Variants in ABR observed in about 807,000 individuals in gnomAD.
The protein encoded by ABR is ABR activator of RhoGEF and GTPase.
ABR carries 35 observed loss-of-function variants against 107.2 expected under a neutral mutation model. That is an observed-to-expected ratio of 0.33 (90% CI 0.25 to 0.43). ABR has a LOEUF of 0.43. Ranked by LOEUF, ABR falls within the 20% of genes least tolerant of loss-of-function variation. The pLI is 1.00. For missense variants in ABR, 815 were observed against 1,115.2 expected (o/e 0.73, Z 3.83); for synonymous variants, 498 against 462.0 (o/e 1.08, Z -1.00).
At position 1,154,468 on chromosome 17, in the gene ABR, A is replaced by C. The variant is rs1345464595; in HGVS notation, c.61+25199T>G. On this transcript the variant is annotated intron_variant, in intron 1 of 22. Transcript: ENST00000302538. The surrounding 1 kb of genome is among the most constrained non-coding windows in gnomAD (Gnocchi z 4.0). ...TCCTCCTGCAAACCAAAATATCTCCATGGTGCCGGCCAGCCCCTTCCTCCC... is the reference window on the plus strand; with the variant it reads ...TCCTCCTGCAAACCAAAATATCTCCCTGGTGCCGGCCAGCCCCTTCCTCCC... 6.6e-6 allele frequency: 1 copy of C among 152,404 alleles called. No homozygotes were observed. Among genetic ancestry groups the C allele is most frequent in the Non-Finnish European group, 1.5e-5 (1 of 68,366 alleles). The allele number at this position is 152,404 out of a possible 1,614,324, so 9.4% of individuals were successfully genotyped here.
chr17:1,134,131 T>TTAGCC (rs1170409543), intron 1 of ABR, among the ~76,000 whole-genome samples: 16 of 151,946 alleles, frequency 1.1e-4, no homozygotes, highest in Admixed American at 1.1e-3. Context: ...ACTACAAAAA[T>TTAGCC]TAGCCGGGTG....
intron 2 of ABR, among the ~76,000 whole-genome samples, chr17:1,124,731 C>A (rs887325691): frequency 9.9e-5 from 15 of 152,236 alleles, no homozygotes; most frequent in African/African-American, 3.6e-4. Context: ...CTGGAGCGGG[C>A]AGCTCATTGC....
At chr17:1,190,053 G>T (rs534425466), upstream of ABR, among the ~76,000 whole-genome samples, 6 of 152,296 alleles carry the variant, frequency 3.9e-5, no homozygotes, top group South Asian at 6.2e-4. Context: ...CACCCTCTCT[G>T]GAAAGATGCA....
At chr17:1,226,804 GGTGT>G (rs1226258148) in intron 1 of ABR, among the ~76,000 whole-genome samples, 1 of 150,124 alleles carries the variant, frequency 6.7e-6, no homozygotes, top group Non-Finnish European at 1.5e-5. Context: ...TACGTGTGCA[GGTGT>G]GTGTGTATAT....
At chr17:1,049,698 C>T (rs953778180) in intron 16 of ABR, among the ~76,000 whole-genome samples, 1 of 152,234 alleles carries the variant, frequency 6.6e-6, no homozygotes, top group African/African-American at 2.4e-5. Context: ...GCTCCTCACA[C>T]ACAGCATTCC....
intron 1 of ABR, among the ~76,000 whole-genome samples, chr17:1,140,365 G>A (rs2040240646): frequency 6.6e-6 from 1 of 152,168 alleles, no homozygotes; most frequent in African/African-American, 2.4e-5. Flanking sequence ...CCAACGGGCA[G>A]CCAGACAGCA....
chr17:1,044,038 C>T (rs2031133297), intron 16 of ABR, among the ~76,000 whole-genome samples: 1 of 152,240 alleles, frequency 6.6e-6, no homozygotes, highest in African/African-American at 2.4e-5. Flanking sequence ...TCAGGCCCAG[C>T]CCGCCAAGAA....
intron 21 of ABR, 111 bp downstream of exon 21, chr17:1,009,568 C>T: frequency 1.1e-6 from 1 of 887,508 alleles, no homozygotes; most frequent in East Asian, 2.6e-5. Flanking sequence ...TGGGGCCACT[C>T]CCCGTTACCT....
At chr17:1,111,026 G>C (rs985433339) in intron 2 of ABR, among the ~76,000 whole-genome samples, 16 of 152,192 alleles carry the variant, frequency 1.1e-4, no homozygotes, top group Admixed American at 6.5e-5. Flanking sequence ...CTCAGGGCCT[G>C]GTACCACGGG....
At position 1,014,285 on chromosome 17, in the gene ABR, C is replaced by CAAAAA. The variant is rs1363244148; in HGVS notation, c.1792-1126_1792-1122dup. On this transcript the variant is annotated intron_variant, in intron 16 of 22. Transcript: ENST00000302538. ...TGAAACCCCGTCTCTACTAAAAATACAAAAAATTAGCCGGGCGTGGTGGCG... is the reference window on the plus strand; with the variant it reads ...TGAAACCCCGTCTCTACTAAAAATACAAAAAAAAAAATTAGCCGGGCGTGGTGGCG... Among the ~76,000 whole-genome samples the CAAAAA allele has an allele frequency of 2.2e-5, 3 of 135,540 alleles. No homozygotes were observed. In the Admixed American group the frequency reaches 2.3e-4, roughly 10 times the overall value. 88.9% of individuals were successfully genotyped at this position (135,540 alleles called of 152,430 possible). A position where few individuals can be genotyped will look rare whatever the true frequency, so the allele number is the denominator to read the frequency against.
In ABR at chr17:1,037,038, CCCAT is replaced by C. The variant is rs1240415776; in HGVS notation, c.1791+13008_1791+13011del. Among the ~76,000 whole-genome samples the C allele has an allele frequency of 7.5e-6, 1 of 134,190 alleles. No individual in the cohort carries two copies. The highest frequency in any genetic ancestry group is 2.9e-5 in the African/African-American group (1 of 34,900). The allele number at this position is 134,190 out of a possible 152,430, so 88.0% of individuals were successfully genotyped here. On this transcript the variant is annotated intron_variant, in intron 16 of 22. Coordinates refer to ENST00000302538, the MANE Select transcript of ABR (RefSeq NM_021962.5). The surrounding 1 kb of genome is among the most constrained non-coding windows in gnomAD (Gnocchi z 4.6). ...ATCCTTCCTTCCTTCCATCCATCCA[CCCAT>C]CCATCCATCCATCCACCCATCCATC... is the stretch of plus-strand genomic sequence containing the variant.
chr17:1,034,335 C>T (rs571874763), intron 16 of ABR, among the ~76,000 whole-genome samples: 3 of 152,100 alleles, frequency 2.0e-5, no homozygotes, highest in East Asian at 3.9e-4. Context: ...ATCACAGAGA[C>T]GAATCAAAAG....
intron 11 of ABR, among the ~76,000 whole-genome samples, 173 bp from the exon 12 acceptor site, chr17:1,058,218 C>T (rs910811931): frequency 2.7e-5 from 4 of 146,546 alleles, no homozygotes; most frequent in Non-Finnish European, 4.4e-5. Flanking sequence ...CGGCTCACTG[C>T]AACCTCCACC....
At position 1,176,871 on chromosome 17, in the gene ABR, A is replaced by AC. The variant is rs891717989; in HGVS notation, c.61+2795_61+2796insG. 5.5e-5 allele frequency among the ~76,000 whole-genome samples: 8 copies of AC among 145,174 alleles called. 1 individual carries two copies. The highest frequency in any genetic ancestry group is 2.0e-4 in the African/African-American group (8 of 39,436). On this transcript the variant is annotated intron_variant, in intron 1 of 22. Coordinates refer to ENST00000302538, the MANE Select transcript of ABR (RefSeq NM_021962.5). ...AAAACAAAACAAAAAACAAAAAACA[A>AC]AAAAAAAAAAGAAAAAAGAAAGAAA... is the stretch of plus-strand genomic sequence containing the variant.
chr17:1,173,573 T>G (rs2041825495), intron 1 of ABR, among the ~76,000 whole-genome samples: 1 of 151,926 alleles, frequency 6.6e-6, no homozygotes, highest in Non-Finnish European at 1.5e-5. Context: ...GGTCTCTGAC[T>G]CCACTACGAG....
intron 1 of ABR, among the ~76,000 whole-genome samples, chr17:1,166,020 C>A (rs542529247): frequency 6.6e-6 from 1 of 150,618 alleles, no homozygotes; most frequent in East Asian, 2.0e-4. Context: ...GCGGTCCCCA[C>A]CTCCGCTCTC....
At chr17:1,171,355 T>A (rs1278074561) in intron 1 of ABR, among the ~76,000 whole-genome samples, 1 of 152,062 alleles carries the variant, frequency 6.6e-6, no homozygotes, top group Admixed American at 6.5e-5. Flanking sequence ...GATGGCCACA[T>A]CCTTCCCCAA....
chr17:1,023,153 G>A (rs960598991), intron 16 of ABR, among the ~76,000 whole-genome samples: 4 of 150,260 alleles, frequency 2.7e-5, no homozygotes, highest in Non-Finnish European at 4.4e-5. Flanking sequence ...CCACTCCAGC[G>A]CCTCTGCCGG....
intron 16 of ABR, among the ~76,000 whole-genome samples, chr17:1,018,373 G>A (rs1356822272): frequency 2.0e-5 from 3 of 152,170 alleles, no homozygotes; most frequent in Non-Finnish European, 4.4e-5. Context: ...ACACATTGCA[G>A]TTGTATGTAT....
Sources: allele counts gnomAD v4.1 joint callset (sites outside exome capture counted in the v4.1 genomes callset), GRCh38; gene constraint gnomAD v4.1.1; non-coding constraint Gnocchi (gnomAD v3.1); transcripts MANE v1.5; gene names NCBI Gene and HGNC (gene_info 2026-07-23, HGNC 2026-07-21).